The following C10orf90 variants were observed in gnomAD, a reference collection of about 807,000 sequenced individuals.
The protein encoded by C10orf90 is chromosome 10 open reading frame 90, also known as (E2-independent) E3 ubiquitin-conjugating enzyme FATS.
In C10orf90, 56 loss-of-function variants were observed where a neutral mutation model predicts 62.5. The ratio of observed to expected loss-of-function variants is 0.90; its 90% CI spans 0.72 to 1.12. The LOEUF is 1.12. Ranked by LOEUF, C10orf90 falls within the 50% of genes most tolerant of loss-of-function variation. The probability of loss-of-function intolerance (pLI) is 0.00; values close to 1 mark genes in which losing one functional copy is unlikely to be tolerated. For missense variants in C10orf90, 970 were observed against 880.4 expected, an observed-to-expected ratio of 1.10 and a Z score of -1.29; for synonymous variants, 386 against 340.4, an observed-to-expected ratio of 1.13 and a Z score of -1.47.
chr10:126,459,084 A>T lies in C10orf90; in HGVS notation c.2144T>A (p.Ile715Asn). 1.9e-6 allele frequency: 3 copies of T among 1,613,882 alleles called. No homozygotes were observed. Among genetic ancestry groups the T allele is most frequent in the Non-Finnish European group, 2.5e-6 (3 of 1,180,018 alleles). The change falls in exon 7 of 10, where the codon ATC (isoleucine) becomes AAC (asparagine). Residue 715 changes from isoleucine (I) to asparagine (N), a missense_variant. Coordinates refer to ENST00000488181, the MANE Select transcript of C10orf90 (RefSeq NM_001350921.2). Reference sequence around the variant, plus strand: ...CGTGAACTGCTTCTTGCTGGTGCGGATGGGAAGGAGGCTCTGCTTCTGCCT... The same window carrying T: ...CGTGAACTGCTTCTTGCTGGTGCGGTTGGGAAGGAGGCTCTGCTTCTGCCT... ...DLRQKQSLLP[I>N]RTSKKQFTIP... is the part of the protein sequence containing the mutation.
intron 2 of C10orf90, among the ~76,000 whole-genome samples, chr10:126,514,323 A>C (rs1863309653): frequency 6.6e-6 from 1 of 152,188 alleles, no homozygotes; most frequent in African/African-American, 2.4e-5. Flanking sequence ...GAAATACAAT[A>C]CTGATCTTCA....
Position 126,550,451 on chromosome 10 carries a change from G to C in C10orf90, c.314-36512C>G, listed in dbSNP as rs143542894. Among the ~76,000 whole-genome samples, 606 of 152,266 alleles carry C rather than the reference G, an allele frequency of 4.0e-3. 14 individuals carry two copies. Among genetic ancestry groups the C allele is most frequent in the East Asian group, 5.6e-3 (29 of 5,174 alleles). On this transcript the variant is annotated intron_variant, in intron 2 of 9. Transcript: ENST00000488181. ...GTATCCTTTATGATACTGTAGTGTAGTTTTTAAGATGTTGCCATTAGGAGG... is the reference window on the plus strand; with the variant it reads ...GTATCCTTTATGATACTGTAGTGTACTTTTTAAGATGTTGCCATTAGGAGG...
At chr10:126,440,716 C>T (rs1450935863) in intron 7 of C10orf90, among the ~76,000 whole-genome samples, 1 of 152,184 alleles carries the variant, frequency 6.6e-6, no homozygotes, top group Admixed American at 6.5e-5. Context: ...CATCACAGGA[C>T]TCTGTGCAGA....
chr10:126,670,096 T>G, intron 1 of C10orf90, 145 bp downstream of exon 1: 1 of 335,012 alleles, frequency 3.0e-6, no homozygotes, highest in Non-Finnish European at 5.9e-6. Flanking sequence ...TGAAGAAGGC[T>G]TTTCCAAATC....
At chr10:126,472,501 G>T (rs1030768061) in intron 4 of C10orf90, among the ~76,000 whole-genome samples, 1 of 152,082 alleles carries the variant, frequency 6.6e-6, no homozygotes, top group African/African-American at 2.4e-5. Context: ...AACAGCACAG[G>T]TTCATCGAGA....
At chr10:126,447,947 G>T (rs1318170045) in intron 7 of C10orf90, among the ~76,000 whole-genome samples, 5 of 151,456 alleles carry the variant, frequency 3.3e-5, no homozygotes, top group Non-Finnish European at 7.4e-5. Flanking sequence ...CGCCTCCGGG[G>T]TTCAAGTGAC....
At chr10:126,545,447 T>A (rs988427076) in intron 2 of C10orf90, among the ~76,000 whole-genome samples, 2 of 136,578 alleles carry the variant, frequency 1.5e-5, no homozygotes, top group Non-Finnish European at 3.1e-5. Flanking sequence ...ATCCTTTAGA[T>A]TTTTTAGTCA....
intron 7 of C10orf90, among the ~76,000 whole-genome samples, chr10:126,458,239 G>T (rs912122643): frequency 2.0e-5 from 3 of 152,082 alleles, no homozygotes; most frequent in African/African-American, 7.2e-5. Context: ...TTTATTCTGA[G>T]TTATACTCAT....
At chr10:126,473,626 AG>A (rs1860701693) in intron 4 of C10orf90, among the ~76,000 whole-genome samples, 1 of 151,352 alleles carries the variant, frequency 6.6e-6, no homozygotes, top group African/African-American at 2.4e-5. Context: ...ACCCTCCCCC[AG>A]GCTGCCCACC....
At chr10:126,526,857 A>G (rs1054294139) in intron 2 of C10orf90, among the ~76,000 whole-genome samples, 14 of 152,104 alleles carry the variant, frequency 9.2e-5, no homozygotes, top group African/African-American at 3.4e-4. Context: ...GCTTATCATA[A>G]TGCTTTCAAA....
At chr10:126,667,517 G>A (rs889415922) in intron 1 of C10orf90, among the ~76,000 whole-genome samples, 1 of 152,204 alleles carries the variant, frequency 6.6e-6, no homozygotes, top group African/African-American at 2.4e-5. Context: ...ACTGTCGCCT[G>A]TCAGAGGACA....
intron 2 of C10orf90, among the ~76,000 whole-genome samples, chr10:126,578,930 A>G (rs893417457): frequency 6.6e-6 from 1 of 152,194 alleles, no homozygotes; most frequent in Non-Finnish European, 1.5e-5. Flanking sequence ...AAAAAAAGAC[A>G]TGGGAGAAAT....
chr10:126,533,518 G>A (rs1864157742), intron 2 of C10orf90, among the ~76,000 whole-genome samples: 1 of 152,164 alleles, frequency 6.6e-6, no homozygotes, highest in Non-Finnish European at 1.5e-5. Context: ...AAACAAACCA[G>A]TCCTGTTTTC....
intron 2 of C10orf90, among the ~76,000 whole-genome samples, chr10:126,638,661 A>G (rs1369794673): frequency 6.6e-6 from 1 of 152,134 alleles, no homozygotes; most frequent in Admixed American, 6.5e-5. Flanking sequence ...ATGGCCTATC[A>G]TATTTCCTCT....
intron 2 of C10orf90, among the ~76,000 whole-genome samples, chr10:126,544,964 G>A (rs1422889074): frequency 6.6e-6 from 1 of 152,248 alleles, no homozygotes; most frequent in East Asian, 1.9e-4. Flanking sequence ...TCCTTGGTGT[G>A]GACAAAACGA....
chr10:126,547,287 C>T (rs1176705340), intron 2 of C10orf90, among the ~76,000 whole-genome samples: 8 of 151,684 alleles, frequency 5.3e-5, no homozygotes, highest in Middle Eastern at 3.4e-3. Context: ...GGCGTGGTGG[C>T]GGGCGCCTGT....
At chr10:126,483,054 AAC>A (rs1433519044) in intron 4 of C10orf90, among the ~76,000 whole-genome samples, 1 of 152,244 alleles carries the variant, frequency 6.6e-6, no homozygotes, top group Non-Finnish European at 1.5e-5. Flanking sequence ...TGGCTAAAAT[AAC>A]ACAGTGCATG....
At chr10:126,639,858 T>G (rs544657763) in intron 2 of C10orf90, among the ~76,000 whole-genome samples, 1 of 152,218 alleles carries the variant, frequency 6.6e-6, no homozygotes, top group African/African-American at 2.4e-5. Flanking sequence ...CAGAAACTCA[T>G]GGAGGGGGAA....
chr10:126,551,453 A>G (rs1025245098), intron 2 of C10orf90, among the ~76,000 whole-genome samples: 16 of 152,186 alleles, frequency 1.1e-4, no homozygotes, highest in African/African-American at 3.4e-4. Flanking sequence ...TCTTTCATGC[A>G]GTAGATATCT....
Sources: gnomAD v4.1 joint callset for allele counts (sites outside exome capture counted in the v4.1 genomes callset) on GRCh38, gnomAD v4.1.1 for gene constraint, MANE v1.5 for transcripts, NCBI Gene and HGNC (gene_info 2026-07-23, HGNC 2026-07-21) for gene names.